Variants in PIK3CB observed in about 807,000 individuals in gnomAD.
PIK3CB encodes phosphatidylinositol-4,5-bisphosphate 3-kinase catalytic subunit beta, also known as phosphatidylinositol 4,5-bisphosphate 3-kinase catalytic subunit beta isoform.
Under a neutral mutation model 136.8 loss-of-function variants are expected in PIK3CB, and 39 were observed. The observed-to-expected ratio is 0.29, with a 90% CI of 0.22 to 0.37. PIK3CB has a LOEUF of 0.37. Among genes scored for constraint, PIK3CB ranks in the 10% least tolerant of loss-of-function variants. PIK3CB has a pLI of 1.00. For synonymous variants in PIK3CB, 428 were observed against 436.6 expected, an observed-to-expected ratio of 0.98 and a Z score of 0.25; for missense variants, 868 against 1,275.4, an observed-to-expected ratio of 0.68 and a Z score of 4.87.
chr3:138,681,874 T>C, intron 19 of PIK3CB, 93 bp downstream of exon 19: 3 of 688,926 alleles, frequency 4.4e-6, no homozygotes. Flanking sequence ...CAACTAAAAA[T>C]AAGAACAAGA....
intron 3 of PIK3CB, 32 bp downstream of exon 3, chr3:138,759,141 T>G: frequency 7.0e-7 from 1 of 1,433,794 alleles, no homozygotes; most frequent in Non-Finnish European, 9.7e-7. Flanking sequence ...CACAGTATGC[T>G]AAACACATAG....
At chr3:138,707,803 C>T (rs558990651) in intron 10 of PIK3CB, among the ~76,000 whole-genome samples, 8 of 152,296 alleles carry the variant, frequency 5.3e-5, no homozygotes, top group African/African-American at 1.7e-4. Context: ...TGGAATACTC[C>T]ATTAAGTGGC....
chr3:138,694,791 C>G lies in PIK3CB; in HGVS notation c.1887G>C (p.Gln629His). 1 of 1,612,360 alleles carries G rather than the reference C, an allele frequency of 6.2e-7. No homozygotes were observed. The highest frequency in any genetic ancestry group is 8.5e-7 in the Non-Finnish European group (1 of 1,179,174). ...AAACCACCTGCAGAAGATACCTCAT[C>G]TGTCGCAGGCAGCCTACAGCATATT... ...VREYAVGCLR[Q>H]MSDEELSQYL... is the part of the protein sequence containing the mutation. The change falls in exon 14 of 24, where the codon CAG becomes CAC. Residue 629 changes from glutamine (Q) to histidine (H), a missense_variant. By Grantham distance (24) the Gln-to-His change is conservative. Around this residue, in one of 4 missense-constraint regions of PIK3CB, gnomAD observed 612 missense variants for 801.1 expected, o/e 0.76. Coordinates refer to ENST00000674063, the MANE Select transcript of PIK3CB (RefSeq NM_006219.3).
In PIK3CB at chr3:138,652,811, A is replaced by C. The variant is rs1045263414; in HGVS notation, c.*2578T>G. 3.0e-4 allele frequency: 66 copies of C among 222,758 alleles called. No individual in the cohort carries two copies. In the East Asian group the frequency reaches 3.0e-3, roughly 10 times the overall value. The allele number at this position is 222,758 out of a possible 1,614,324, so 13.8% of individuals were successfully genotyped here. On this transcript the variant is annotated 3_prime_UTR_variant, in exon 24 of 24. Transcript: ENST00000674063. Reference sequence around the variant, plus strand: ...GGTAATGGATACCCCAATTACCCTGATGCGATAATTACATGTTATATGCCT... The same window carrying C: ...GGTAATGGATACCCCAATTACCCTGCTGCGATAATTACATGTTATATGCCT...
chr3:138,731,499 C>T (rs1176261358), intron 8 of PIK3CB, among the ~76,000 whole-genome samples: 1 of 151,632 alleles, frequency 6.6e-6, no homozygotes, highest in African/African-American at 2.4e-5. Context: ...ATGATCTGCC[C>T]GCCTTGGCCT....
At chr3:138,800,752 G>A (rs1381855476) in intron 1 of PIK3CB, among the ~76,000 whole-genome samples, 1 of 152,016 alleles carries the variant, frequency 6.6e-6, no homozygotes, top group Non-Finnish European at 1.5e-5. Context: ...AGTCTCCTGA[G>A]TACCTGGGAT....
intron 12 of PIK3CB, among the ~76,000 whole-genome samples, chr3:138,700,040 T>TA (rs1324073169): frequency 1.8e-4 from 28 of 151,538 alleles, no homozygotes; most frequent in East Asian, 5.8e-4. Context: ...CTAATTCTAC[T>TA]AAAAAAAATA....
chr3:138,726,654 C>G (rs2044843945), intron 8 of PIK3CB, among the ~76,000 whole-genome samples: 1 of 152,166 alleles, frequency 6.6e-6, no homozygotes, highest in Admixed American at 6.5e-5. Context: ...GAGCTATAAA[C>G]AGCTATAAAT....
rs565250542 is a variant in PIK3CB, at chr3:138,833,368, GAA to G, written c.-122+1325_-122+1326del. Among the ~76,000 whole-genome samples, 38 of 152,092 alleles carry G rather than the reference GAA, an allele frequency of 2.5e-4. No homozygotes were observed. The East Asian group carries it at 6.4e-3, about 26-fold the overall frequency. On this transcript the variant is annotated intron_variant, in intron 1 of 23. Coordinates refer to ENST00000674063, the MANE Select transcript of PIK3CB (RefSeq NM_006219.3). Reference sequence around the variant, plus strand: ...AGGCGTGAGCCAACGCACCTGGTCAGAAAAAAGACTTTACTTTCTTCCATACC... The same window carrying G: ...AGGCGTGAGCCAACGCACCTGGTCAGAAAAGACTTTACTTTCTTCCATACC...
intron 1 of PIK3CB, among the ~76,000 whole-genome samples, chr3:138,824,855 C>CTG (rs1933711457): frequency 6.8e-6 from 1 of 147,820 alleles, no homozygotes; most frequent in South Asian, 2.1e-4. Flanking sequence ...TGAGACCAGC[C>CTG]TGGGCAACAT....
At chr3:138,671,167 T>A (rs899411619) in intron 19 of PIK3CB, among the ~76,000 whole-genome samples, 2 of 152,176 alleles carry the variant, frequency 1.3e-5, no homozygotes, top group Non-Finnish European at 2.9e-5. Context: ...CCTCTAGCAT[T>A]TTAATTTTTA....
chr3:138,780,419 T>A (rs1469659710), intron 2 of PIK3CB, among the ~76,000 whole-genome samples: 1 of 152,016 alleles, frequency 6.6e-6, no homozygotes, highest in African/African-American at 2.4e-5. Flanking sequence ...TACAGGTGTG[T>A]ACCACCATGC....
In PIK3CB at chr3:138,691,044, T is replaced by G. The variant is rs776143642; in HGVS notation, c.1992A>C (p.Ala664=). 1.9e-6 allele frequency: 3 copies of G among 1,613,120 alleles called. No homozygotes were observed. Among genetic ancestry groups the G allele is most frequent in the Middle Eastern group, 1.7e-4 (1 of 6,058 alleles). ...CALSRFLLER[A]LGNRRIGQFL... is the part of the protein sequence containing the mutation. ...ACTGCCCTATCCTCCGATTACCAAG[T>G]GCTCTTTCTAATAGGAATCTAGAGA... Residue 664 remains alanine, a synonymous_variant, in exon 15 of 24, where the codon GCA becomes GCC. Transcript: ENST00000674063.
intron 1 of PIK3CB, among the ~76,000 whole-genome samples, chr3:138,811,610 G>A (rs1433149902): frequency 2.0e-5 from 3 of 152,000 alleles, no homozygotes; most frequent in African/African-American, 4.8e-5. Context: ...ATTTTTAGTA[G>A]AGACGGGGTC....
chr3:138,795,797 C>T (rs1327814674), intron 2 of PIK3CB, among the ~76,000 whole-genome samples: 1 of 152,076 alleles, frequency 6.6e-6, no homozygotes, highest in Non-Finnish European at 1.5e-5. Flanking sequence ...ATTTTATCAC[C>T]TCCTCTTTAC....
intron 2 of PIK3CB, among the ~76,000 whole-genome samples, chr3:138,776,623 G>C (rs945843925): frequency 9.2e-5 from 14 of 152,150 alleles, no homozygotes; most frequent in African/African-American, 3.4e-4. Flanking sequence ...CTGAGCCTGG[G>C]AGGCAGACAT....
chr3:138,759,294 A>G lies in PIK3CB; in HGVS notation c.50T>C (p.Ile17Thr). Residue 17 changes from isoleucine (I) to threonine (T), a missense_variant, in exon 3 of 24, where the codon ATC (isoleucine) becomes ACC (threonine). Physicochemically the swap from Ile to Thr is moderately conservative, Grantham distance 89. Transcript: ENST00000674063. ...TGCTATCTGTGAATCCACCGCCCAG[A>G]TGTCAAGGATGTCTGCCATAGCAGG... ...MPPAMADILD[I>T]WAVDSQIASD... 2 of 1,612,326 alleles carry G rather than the reference A, an allele frequency of 1.2e-6. No homozygotes were observed. The highest frequency in any genetic ancestry group is 1.7e-6 in the Non-Finnish European group (2 of 1,178,566).
intron 1 of PIK3CB, among the ~76,000 whole-genome samples, chr3:138,801,571 A>T (rs1010577592): frequency 1.3e-5 from 2 of 152,004 alleles, no homozygotes; most frequent in Non-Finnish European, 2.9e-5. Context: ...CTCTAAAAAA[A>T]AATAAAAATA....
At chr3:138,656,311 T>C in intron 22 of PIK3CB, 37 bp from the exon 23 acceptor site, 2 of 1,610,992 alleles carry the variant, frequency 1.2e-6, no homozygotes, top group Non-Finnish European at 1.7e-6. Flanking sequence ...AGCACAGTGT[T>C]AGAGGGGAGA....
Sources: allele counts gnomAD v4.1 joint callset (sites outside exome capture counted in the v4.1 genomes callset), GRCh38; gene constraint gnomAD v4.1.1; regional missense constraint gnomAD v4.1.1; transcripts MANE v1.5; gene names NCBI Gene and HGNC (gene_info 2026-07-23, HGNC 2026-07-21).